The following CCDC15 variants were observed in gnomAD, a reference collection of about 807,000 sequenced individuals.
The protein encoded by CCDC15 is coiled-coil domain-containing protein 15.
In CCDC15, 105 loss-of-function variants were observed where a neutral mutation model predicts 114.5. The observed-to-expected ratio is 0.92, with a 90% CI of 0.78 to 1.08. CCDC15 has a LOEUF of 1.08. CCDC15 is among the 50% of genes least tolerant of loss of function. The pLI is 0.00. For synonymous variants in CCDC15, 334 were observed against 377.8 expected (o/e 0.88, Z 1.34); for missense variants, 1,105 against 1,093.6 (o/e 1.01, Z -0.15).
intron 14 of CCDC15, 43 bp from the exon 15 acceptor site, chr11:125,038,878 T>C: frequency 3.2e-6 from 5 of 1,582,988 alleles, no homozygotes; most frequent in Non-Finnish European, 3.5e-6. Flanking sequence ...ACTCACTTTC[T>C]TTTTAATAGT....
intron 14 of CCDC15, 131 bp downstream of exon 14, chr11:125,038,735 C>T (rs573790358): frequency 8.4e-7 from 1 of 1,185,130 alleles, no homozygotes; most frequent in Admixed American, 3.0e-5. Context: ...TTCATAACTT[C>T]ACCAAATTTT....
At chr11:125,021,231 G>C (rs1013339869) in intron 13 of CCDC15, among the ~76,000 whole-genome samples, 1 of 151,802 alleles carries the variant, frequency 6.6e-6, no homozygotes, top group Non-Finnish European at 1.5e-5. Context: ...GGAAAGTATT[G>C]TGTCACAGAA....
At chr11:124,965,219 C>G (rs966325603) in intron 4 of CCDC15, among the ~76,000 whole-genome samples, 1 of 152,130 alleles carries the variant, frequency 6.6e-6, no homozygotes, top group Non-Finnish European at 1.5e-5. Context: ...AGGAATGGTA[C>G]CAGCTCCTCT....
chr11:125,010,732 A>G (rs1163851151), intron 13 of CCDC15, among the ~76,000 whole-genome samples: 1 of 152,128 alleles, frequency 6.6e-6, no homozygotes, highest in Non-Finnish European at 1.5e-5. Flanking sequence ...AATATCTTCT[A>G]CCATTCTGTA....
chr11:125,008,462 A>C (rs1948566804), intron 13 of CCDC15, among the ~76,000 whole-genome samples: 1 of 152,206 alleles, frequency 6.6e-6, no homozygotes, highest in African/African-American at 2.4e-5. Context: ...ACCAGTGAAC[A>C]AAGTTAGTTT....
At chr11:124,993,046 A>G (rs959426351) in intron 10 of CCDC15, 123 bp from the exon 11 acceptor site, 1 of 625,760 alleles carries the variant, frequency 1.6e-6, no homozygotes, top group Non-Finnish European at 2.8e-6. Context: ...ACACAGCTTT[A>G]ACTGTGTTCT....
intron 13 of CCDC15, among the ~76,000 whole-genome samples, chr11:125,011,212 A>T (rs1948589312): frequency 2.0e-5 from 3 of 149,832 alleles, no homozygotes; most frequent in Non-Finnish European, 4.4e-5. Context: ...CTGTTTCTGT[A>T]ATAGAAGTAT....
chr11:124,985,266 G>A (rs7932003), intron 6 of CCDC15, among the ~76,000 whole-genome samples: 19,076 of 152,092 alleles, frequency 0.13, 1,327 homozygotes, highest in South Asian at 0.19. Flanking sequence ...AGACTTTGGC[G>A]TTCTTTTCAC....
intron 4 of CCDC15, among the ~76,000 whole-genome samples, chr11:124,970,037 T>A (rs916824246): frequency 6.6e-6 from 1 of 152,218 alleles, no homozygotes; most frequent in Non-Finnish European, 1.5e-5. Flanking sequence ...GTGCTAAAAC[T>A]GAGACAGTTC....
In CCDC15 at chr11:124,959,229, A is replaced by T. The variant is rs755630662; in HGVS notation, c.292A>T (p.Arg98Ter). 6.3e-7 allele frequency: 1 copy of T among 1,582,604 alleles called. No individual in the cohort carries two copies. Among genetic ancestry groups the T allele is most frequent in the Admixed American group, 1.9e-5 (1 of 51,812 alleles). ...CCGAGTAAATCAACAAATTAGGTTG[A>T]GAAAAAAGCAACAGCTTCAGAAGTC... ...KYRVNQQIRL[R>*]KKQQLQKSYE... Residue 98 changes from arginine (R) to a stop codon, truncating the protein, a stop_gained, in exon 3 of 16, where the codon AGA (arginine) becomes TGA (stop). Coordinates refer to ENST00000344762, the MANE Select transcript of CCDC15 (RefSeq NM_025004.3). LOFTEE classifies it high-confidence loss of function.
chr11:124,977,310 G>A (rs529449102), intron 5 of CCDC15, among the ~76,000 whole-genome samples, 168 bp from the exon 6 acceptor site: 2 of 152,030 alleles, frequency 1.3e-5, no homozygotes, highest in Non-Finnish European at 2.9e-5. Flanking sequence ...ATATGTGAGC[G>A]CTTTGTTTGT....
rs34584478 is a variant in CCDC15 at position 124,987,444 on chromosome 11, G to T, written c.1218G>T (p.Val406=). The change falls in exon 8 of 16, where the codon GTG becomes GTT. Residue 406 remains valine (V), a synonymous_variant. Coordinates refer to ENST00000344762, the MANE Select transcript of CCDC15 (RefSeq NM_025004.3). ...QSIELEEGSI[V]LKTQDFLPTN... ...TTGAGCTAGAAGAAGGGAGTATTGT[G>T]TTGAAAACCCAGGATTTTCTACCCA... 3,339 of 1,613,958 alleles carry T rather than the reference G, an allele frequency of 2.1e-3. 3 individuals carry two copies. Among genetic ancestry groups the T allele is most frequent in the Middle Eastern group, 0.015 (89 of 6,062 alleles).
At chr11:124,989,985 T>C (rs1373323560) in intron 8 of CCDC15, among the ~76,000 whole-genome samples, 1 of 152,250 alleles carries the variant, frequency 6.6e-6, no homozygotes, top group Non-Finnish European at 1.5e-5. Context: ...AACTTTTCCT[T>C]TGCATTCACA....
chr11:124,987,788 A>G lies in CCDC15; in HGVS notation c.1562A>G (p.Gln521Arg), dbSNP rs749339360. 1 of 1,605,642 alleles carries G rather than the reference A, an allele frequency of 6.2e-7. No homozygotes were observed. Among genetic ancestry groups the G allele is most frequent in the Non-Finnish European group, 8.5e-7 (1 of 1,173,830 alleles). ...GACCAGCATGTTCTCCCCAAAGACC[A>G]GAATATTCTACCTAAATATCAAGGC... The part of the protein sequence containing the change: ...SRDQHVLPKD[Q>R]NILPKYQGQD... The change falls in exon 8 of 16, where the codon CAG becomes CGG. Residue 521 changes from glutamine (Q) to arginine (R), a missense_variant. Physicochemically the swap from Gln to Arg is conservative, Grantham distance 43. Coordinates refer to ENST00000344762, the MANE Select transcript of CCDC15 (RefSeq NM_025004.3).
chr11:124,975,863 A>G (rs1044723079), intron 5 of CCDC15, among the ~76,000 whole-genome samples: 10 of 97,564 alleles, frequency 1.0e-4, no homozygotes, highest in Non-Finnish European at 1.6e-4. Context: ...AATTGAAACT[A>G]TTAATTTTTA....
At chr11:124,965,425 A>G (rs11500893) in intron 4 of CCDC15, among the ~76,000 whole-genome samples, 120,601 of 152,092 alleles carry the variant, frequency 0.79, 47,990 homozygotes, top group East Asian at 0.93. Context: ...TAGTTTATTT[A>G]CGTAGAGGTG....
At chr11:125,036,689 A>G (rs185323586) in intron 13 of CCDC15, among the ~76,000 whole-genome samples, 1 of 152,046 alleles carries the variant, frequency 6.6e-6, no homozygotes, top group Non-Finnish European at 1.5e-5. Flanking sequence ...ATAACTGTGT[A>G]TTTTCAAATA....
At chr11:124,975,835 A>C (rs770854260) in intron 5 of CCDC15, among the ~76,000 whole-genome samples, 11 of 152,090 alleles carry the variant, frequency 7.2e-5, no homozygotes, top group Non-Finnish European at 1.5e-4. Flanking sequence ...AAAGTATGTC[A>C]CTTTCTAATC....
chr11:125,005,333 A>G (rs1241589256), intron 13 of CCDC15, 121 bp downstream of exon 13: 2 of 494,268 alleles, frequency 4.0e-6, no homozygotes, highest in African/African-American at 2.0e-5. Context: ...GCTATTTTTG[A>G]TCTGGGTGAA....
Sources: gnomAD v4.1 joint callset for allele counts (sites outside exome capture counted in the v4.1 genomes callset) on GRCh38, gnomAD v4.1.1 for gene constraint, MANE v1.5 for transcripts, NCBI Gene and HGNC (gene_info 2026-07-23, HGNC 2026-07-21) for gene names.